PTPRT: variants seen among roughly 807,000 people sequenced by gnomAD.
PTPRT encodes the protein protein tyrosine phosphatase receptor type T.
Under a neutral mutation model 176.8 loss-of-function variants are expected in PTPRT, and 56 were observed. The observed-to-expected ratio is 0.32, with a 90% CI of 0.26 to 0.40. The LOEUF (loss-of-function observed/expected upper bound fraction) is 0.40. Among genes scored for constraint, PTPRT ranks in the 10% least tolerant of loss-of-function variants. PTPRT has a pLI of 1.00. For missense variants in PTPRT, 1,540 were observed against 1,908.2 expected (o/e 0.81, Z 3.60); for synonymous variants, 783 against 739.0 (o/e 1.06, Z -0.96).
chr20:42,472,706 A>G (rs1408221946), intron 7 of PTPRT, 144 bp from the exon 8 acceptor site: 7 of 815,638 alleles, frequency 8.6e-6, no homozygotes, highest in South Asian at 1.9e-5. Context: ...TGACACAGGC[A>G]ATATAATTTA....
At chr20:42,542,046 T>C (rs923731283) in intron 7 of PTPRT, among the ~76,000 whole-genome samples, 3 of 152,142 alleles carry the variant, frequency 2.0e-5, no homozygotes, top group African/African-American at 7.2e-5. Context: ...TCTCACAAGA[T>C]CTGATGGTTT....
At chr20:42,096,648 G>A (rs140777265) in intron 27 of PTPRT, among the ~76,000 whole-genome samples, 1 of 152,156 alleles carries the variant, frequency 6.6e-6, no homozygotes, top group Non-Finnish European at 1.5e-5. Flanking sequence ...GAATGCAGTG[G>A]TGGGATCATA....
chr20:42,168,056 G>A (rs1382868473), intron 16 of PTPRT, among the ~76,000 whole-genome samples: 1 of 152,092 alleles, frequency 6.6e-6, no homozygotes, highest in Non-Finnish European at 1.5e-5. Context: ...AAAAGAAAAT[G>A]TTATTGAGAA....
intron 12 of PTPRT, among the ~76,000 whole-genome samples, chr20:42,312,188 T>G (rs1328828327): frequency 6.6e-6 from 1 of 152,236 alleles, no homozygotes; most frequent in Non-Finnish European, 1.5e-5. Context: ...TCTTGATTTC[T>G]TTATTTTGAT....
At chr20:42,688,035 C>T (rs2075728197) in intron 6 of PTPRT, 1 of 152,072 alleles carries the variant, frequency 6.6e-6, no homozygotes, top group African/African-American at 2.4e-5. Flanking sequence ...TGCCTCAAGC[C>T]CACCCTGTTA....
chr20:42,508,097 T>C (rs2071880290), intron 7 of PTPRT, among the ~76,000 whole-genome samples: 1 of 138,766 alleles, frequency 7.2e-6, no homozygotes. Flanking sequence ...CTGTGATAAA[T>C]GTTTTTAATA....
rs371082357 is a variant in PTPRT, at chr20:42,465,375, T to C, written c.1450+6891A>G. Among the ~76,000 whole-genome samples the C allele has an allele frequency of 2.9e-3, 439 of 152,322 alleles. 19 individuals are homozygous for C. In the South Asian group the frequency reaches 0.086, roughly 30 times the overall value. ...ATGCACAATGCTATTTGCTACAGTA[T>C]TATTTATGATAGTAAATAACGGAAA... On this transcript the variant is annotated intron_variant, in intron 8 of 30. Transcript: ENST00000373187.
chr20:42,775,434 T>A (rs1464207402), intron 4 of PTPRT, among the ~76,000 whole-genome samples: 1 of 152,174 alleles, frequency 6.6e-6, no homozygotes, highest in African/African-American at 2.4e-5. Context: ...CTAGAAACTT[T>A]GAAACGGAGT....
At chr20:42,766,524 T>C (rs977445758) in intron 5 of PTPRT, among the ~76,000 whole-genome samples, 1 of 152,220 alleles carries the variant, frequency 6.6e-6, no homozygotes, top group African/African-American at 2.4e-5. Flanking sequence ...TGGGATCTTC[T>C]AAAGACATAT....
chr20:43,075,545 G>A (rs1034348756), intron 1 of PTPRT, among the ~76,000 whole-genome samples: 1 of 152,182 alleles, frequency 6.6e-6, no homozygotes, highest in African/African-American at 2.4e-5. Flanking sequence ...GCACATATGG[G>A]CCCCAGCAGC....
chr20:42,310,124 A>G (rs1429300329), intron 12 of PTPRT, among the ~76,000 whole-genome samples: 2 of 152,038 alleles, frequency 1.3e-5, no homozygotes, highest in Admixed American at 6.6e-5. Context: ...AACATGTTGG[A>G]ATGTTTGAGA....
At chr20:42,719,152 G>A (rs996273836) in intron 6 of PTPRT, among the ~76,000 whole-genome samples, 4 of 152,178 alleles carry the variant, frequency 2.6e-5, no homozygotes, top group African/African-American at 9.7e-5. Flanking sequence ...AGTGCCTGTG[G>A]CAATCCACAG....
chr20:42,620,361 A>C (rs1197669540), intron 7 of PTPRT, among the ~76,000 whole-genome samples: 2 of 148,808 alleles, frequency 1.3e-5, no homozygotes, highest in Non-Finnish European at 3.0e-5. Context: ...AGACAGGGAC[A>C]CTTAAGTCTG....
intron 1 of PTPRT, among the ~76,000 whole-genome samples, chr20:43,050,999 G>A (rs754421031): frequency 6.6e-6 from 1 of 152,218 alleles, no homozygotes; most frequent in Non-Finnish European, 1.5e-5. Flanking sequence ...TCTCTGGAAT[G>A]ACAAATTGTA....
At chr20:42,804,477 A>G (rs969288502) in intron 2 of PTPRT, among the ~76,000 whole-genome samples, 8 of 152,346 alleles carry the variant, frequency 5.3e-5, no homozygotes, top group Non-Finnish European at 1.2e-4. Context: ...AGTAGAACCT[A>G]GACCCAGATG....
intron 13 of PTPRT, among the ~76,000 whole-genome samples, chr20:42,274,838 C>A (rs549151474): frequency 6.6e-6 from 1 of 152,228 alleles, no homozygotes; most frequent in African/African-American, 2.4e-5. Flanking sequence ...CTTGAATACT[C>A]CTGGAGACAG....
At chr20:42,563,706 G>A (rs369067096) in intron 7 of PTPRT, among the ~76,000 whole-genome samples, 15 of 152,168 alleles carry the variant, frequency 9.9e-5, no homozygotes, top group South Asian at 4.1e-4. Context: ...ATGGAGAGCT[G>A]TTCATATCCT....
At chr20:42,248,636 T>G in intron 14 of PTPRT, 51 bp downstream of exon 14, 1 of 1,603,700 alleles carries the variant, frequency 6.2e-7, no homozygotes, top group South Asian at 1.1e-5. Context: ...CACAGCAGTG[T>G]TGAGGTCACC....
intron 16 of PTPRT, among the ~76,000 whole-genome samples, chr20:42,172,638 T>C (rs143646761): frequency 1.2e-4 from 18 of 152,354 alleles, no homozygotes; most frequent in Non-Finnish European, 2.5e-4. Context: ...TGTTAACACT[T>C]GTGTAACTAT....
Sources: allele counts gnomAD v4.1 joint callset (sites outside exome capture counted in the v4.1 genomes callset), GRCh38; gene constraint gnomAD v4.1.1; transcripts MANE v1.5; gene names NCBI Gene and HGNC (gene_info 2026-07-23, HGNC 2026-07-21).